SIL1: variants seen among roughly 807,000 people sequenced by gnomAD.
SIL1 encodes the protein nucleotide exchange factor SIL1.
A neutral mutation model predicts 49.1 loss-of-function variants in SIL1; 40 were observed. The observed-to-expected ratio is 0.81, with a 90% CI of 0.63 to 1.06. The LOEUF is 1.06. Ranked by LOEUF, SIL1 falls within the 50% of genes least tolerant of loss-of-function variation. SIL1 has a pLI of 0.00. For missense variants in SIL1, 500 were observed against 572.6 expected, an observed-to-expected ratio of 0.87 and a Z score of 1.29; for synonymous variants, 253 against 250.8, an observed-to-expected ratio of 1.01 and a Z score of -0.08.
At chr5:139,012,491 C>T (rs1252527023) in intron 7 of SIL1, 1 of 152,208 alleles carries the variant, frequency 6.6e-6, no homozygotes, top group Non-Finnish European at 1.5e-5. Flanking sequence ...ATAAATTTTT[C>T]AGCATACTTC....
At chr5:139,078,437 G>T (rs1770000374) in intron 3 of SIL1, among the ~76,000 whole-genome samples, 1 of 152,086 alleles carries the variant, frequency 6.6e-6, no homozygotes, top group African/African-American at 2.4e-5. Context: ...CTCCAGACTT[G>T]ATTTTTAGAA....
Position 139,095,929 on chromosome 5 carries a change from G to T in SIL1, c.244+25106C>A, listed in dbSNP as rs141812959. On this transcript the variant is annotated intron_variant, in intron 3 of 9. Transcript: ENST00000394817. Reference sequence around the variant, plus strand: ...GAAGGCTCCATCAATTGTCCCTCCTGCAAGGACACCAATTTAACAACTATC... The same window carrying T: ...GAAGGCTCCATCAATTGTCCCTCCTTCAAGGACACCAATTTAACAACTATC... 2.8e-3 allele frequency among the ~76,000 whole-genome samples: 422 copies of T among 152,264 alleles called. 2 individuals are homozygous for T. Among genetic ancestry groups the T allele is most frequent in the Non-Finnish European group, 3.4e-3 (229 of 68,014 alleles).
At chr5:139,065,872 C>G (rs1385041337) in intron 3 of SIL1, among the ~76,000 whole-genome samples, 1 of 152,224 alleles carries the variant, frequency 6.6e-6, no homozygotes, top group Non-Finnish European at 1.5e-5. Context: ...TAGGCAGATT[C>G]AGGCCCTACT....
chr5:139,051,025 G>A lies in SIL1; in HGVS notation c.266C>T (p.Ser89Phe). 1 of 1,614,142 alleles carries A rather than the reference G, an allele frequency of 6.2e-7. No individual in the cohort carries two copies. The highest frequency in any genetic ancestry group is 8.5e-7 in the Non-Finnish European group (1 of 1,180,012). Residue 89 changes from serine to phenylalanine, a missense_variant, in exon 4 of 10, where the codon TCC (serine) becomes TTC (phenylalanine). Transcript: ENST00000394817. ...AGTCTGAAGATTCAGCCGTACGTGG[G>A]ATCCTGCAGGGACAGCCTGCCCTAA... ...LQPGQAVPAG[S>F]HVRLNLQTGE...
intron 5 of SIL1, among the ~76,000 whole-genome samples, chr5:139,032,258 C>T (rs1248684577): frequency 1.3e-5 from 2 of 152,136 alleles, no homozygotes; most frequent in Non-Finnish European, 2.9e-5. Flanking sequence ...TCCTAGATTT[C>T]TGAGTTATCA....
At chr5:139,096,019 C>T (rs1770454247) in intron 3 of SIL1, among the ~76,000 whole-genome samples, 1 of 152,164 alleles carries the variant, frequency 6.6e-6, no homozygotes, top group African/African-American at 2.4e-5. Flanking sequence ...CCTCTTTTAA[C>T]TCTGTGTCGC....
intron 3 of SIL1, among the ~76,000 whole-genome samples, chr5:139,072,006 G>A (rs954689831): frequency 6.6e-6 from 1 of 151,942 alleles, no homozygotes; most frequent in East Asian, 1.9e-4. Flanking sequence ...ATTACAAGTT[G>A]CTAAAAACAT....
chr5:139,038,621 A>G (rs11951899), intron 5 of SIL1, among the ~76,000 whole-genome samples: 38,203 of 152,088 alleles, frequency 0.25, 5,771 homozygotes, highest in Middle Eastern at 0.38. Context: ...CTCTCTCCCA[A>G]ATCGTACCCC....
At chr5:138,993,786 G>A (rs1266092440) in intron 7 of SIL1, among the ~76,000 whole-genome samples, 2 of 152,166 alleles carry the variant, frequency 1.3e-5, no homozygotes, top group Non-Finnish European at 2.9e-5. Flanking sequence ...AAAAGGAAAT[G>A]CTTCCCAGTC....
At chr5:139,143,346 T>C (rs6884455) in intron 1 of SIL1, among the ~76,000 whole-genome samples, 5,691 of 89,670 alleles carry the variant, frequency 0.063, 107 homozygotes, top group African/African-American at 0.099. Flanking sequence ...CACACACACA[T>C]ATATATATAT....
chr5:138,979,079 T>A (rs1476924950), intron 7 of SIL1, among the ~76,000 whole-genome samples: 9 of 151,966 alleles, frequency 5.9e-5, no homozygotes, highest in African/African-American at 1.4e-4. Context: ...ATTTTATTTT[T>A]TTTTTGAGAA....
intron 7 of SIL1, among the ~76,000 whole-genome samples, chr5:139,006,459 T>G (rs1485427847): frequency 1.1e-5 from 1 of 95,024 alleles, no homozygotes; most frequent in African/African-American, 4.3e-5. Context: ...TTAGTTTAAT[T>G]AGATCCCATT....
At chr5:139,044,645 A>G (rs533857780) in intron 4 of SIL1, among the ~76,000 whole-genome samples, 1 of 152,318 alleles carries the variant, frequency 6.6e-6, no homozygotes, top group East Asian at 1.9e-4. Context: ...ATAATGGATG[A>G]GTGTCCCTGA....
At chr5:138,996,187 T>G (rs1336685510) in intron 7 of SIL1, among the ~76,000 whole-genome samples, 1 of 152,194 alleles carries the variant, frequency 6.6e-6, no homozygotes, top group Admixed American at 6.5e-5. Flanking sequence ...CTCACCAGCA[T>G]CCATTATTCC....
intron 1 of SIL1, among the ~76,000 whole-genome samples, chr5:139,130,441 C>G (rs1354881647): frequency 6.6e-6 from 1 of 152,082 alleles, no homozygotes; most frequent in East Asian, 1.9e-4. Context: ...CACTTCACAC[C>G]CACAATGATG....
At position 139,051,053 on chromosome 5, in the gene SIL1, G is replaced by A; in HGVS notation, c.245-7C>T. On this transcript the variant is annotated splice_region_variant and splice_polypyrimidine_tract_variant and intron_variant, in intron 3 of 9. Coordinates refer to ENST00000394817, the MANE Select transcript of SIL1 (RefSeq NM_022464.5). ...CCTGCAGGGACAGCCTGCCCTAAAA[G>A]CCAAGAAGAGAAAAGGCTCATGAGG... 6.2e-7 allele frequency: 1 copy of A among 1,613,806 alleles called. No homozygotes were observed. Among genetic ancestry groups the A allele is most frequent in the Non-Finnish European group, 8.5e-7 (1 of 1,179,748 alleles).
intron 7 of SIL1, among the ~76,000 whole-genome samples, chr5:138,982,847 C>G (rs1024446885): frequency 6.6e-6 from 1 of 152,184 alleles, no homozygotes; most frequent in Admixed American, 6.5e-5. Context: ...TGGCGGGAAG[C>G]CCTTAGACAT....
chr5:138,979,130 T>C (rs1402066092), intron 7 of SIL1, among the ~76,000 whole-genome samples: 2 of 151,924 alleles, frequency 1.3e-5, no homozygotes, highest in East Asian at 3.9e-4. Context: ...CAGTGCATGA[T>C]CTCGGCTCAC....
chr5:138,958,967 G>A (rs557171908), intron 7 of SIL1, among the ~76,000 whole-genome samples: 4 of 152,160 alleles, frequency 2.6e-5, no homozygotes, highest in African/African-American at 9.6e-5. Context: ...TTAATCTATG[G>A]AATGGCATCC....
Sources: gnomAD v4.1 joint callset for allele counts (sites outside exome capture counted in the v4.1 genomes callset) on GRCh38, gnomAD v4.1.1 for gene constraint, MANE v1.5 for transcripts, NCBI Gene and HGNC (gene_info 2026-07-23, HGNC 2026-07-21) for gene names.